The following EPSTI1 variants were observed in gnomAD, a reference collection of about 807,000 sequenced individuals.
The protein encoded by EPSTI1 is epithelial stromal interaction 1, also known as epithelial-stromal interaction protein 1.
Under a neutral mutation model 49.9 loss-of-function variants are expected in EPSTI1, and 66 were observed. The ratio of observed to expected loss-of-function variants is 1.32; its 90% confidence interval spans 1.08 to 1.62. The LOEUF (loss-of-function observed/expected upper bound fraction) is 1.62. EPSTI1 is among the 40% of genes most tolerant of loss of function. The pLI, the probability that EPSTI1 is intolerant of heterozygous loss-of-function variation, is 0.00. For synonymous variants in EPSTI1, 137 were observed against 130.7 expected (o/e 1.05, Z -0.33); for missense variants, 394 against 365.5 (o/e 1.08, Z -0.64).
In EPSTI1 at chr13:42,983,023, A is replaced by G. The variant is rs139313693; in HGVS notation, c.188+8955T>C. On this transcript the variant is annotated intron_variant, in intron 1 of 10. Coordinates refer to ENST00000313624, the MANE Select transcript of EPSTI1 (RefSeq NM_033255.5). ...CTTCATCAAACCTAAGCATAAAAAGACACAGTTTTCCCTGGTTCTTTGAAT... is the reference window on the plus strand; with the variant it reads ...CTTCATCAAACCTAAGCATAAAAAGGCACAGTTTTCCCTGGTTCTTTGAAT... Among the ~76,000 whole-genome samples, 5 of 152,310 alleles carry G rather than the reference A, an allele frequency of 3.3e-5. No individual in the cohort carries two copies. The East Asian group carries it at 7.7e-4, about 23-fold the overall frequency.
intron 6 of EPSTI1, among the ~76,000 whole-genome samples, chr13:42,946,241 A>C (rs1555264805): frequency 6.6e-6 from 1 of 152,208 alleles, no homozygotes; most frequent in Non-Finnish European, 1.5e-5. Flanking sequence ...TATTATTCAA[A>C]TGCAAGTAAA....
chr13:42,909,136 G>A (rs1005226281), intron 8 of EPSTI1, among the ~76,000 whole-genome samples: 1 of 152,002 alleles, frequency 6.6e-6, no homozygotes, highest in Non-Finnish European at 1.5e-5. Context: ...GGCCTGTGTA[G>A]CTATTTCTTG....
intron 8 of EPSTI1, among the ~76,000 whole-genome samples, chr13:42,905,334 AG>A (rs2037469697): frequency 6.6e-6 from 1 of 152,202 alleles, no homozygotes; most frequent in Non-Finnish European, 1.5e-5. Context: ...CGCTGCACTC[AG>A]GATTATTATC....
chr13:42,974,143 C>A (rs1223974662), intron 1 of EPSTI1, among the ~76,000 whole-genome samples: 1 of 150,498 alleles, frequency 6.6e-6, no homozygotes, highest in African/African-American at 2.4e-5. Context: ...CAAGACCAGC[C>A]TGGCCAACAT....
intron 9 of EPSTI1, among the ~76,000 whole-genome samples, chr13:42,896,458 C>A (rs1177651377): frequency 6.6e-6 from 1 of 152,124 alleles, no homozygotes; most frequent in African/African-American, 2.4e-5. Flanking sequence ...TTGTCATTAA[C>A]AAAGATGGGC....
rs2039507320 is a variant in EPSTI1, at chr13:42,963,162, G to T, written c.489+93C>A. The T allele has an allele frequency of 6.0e-6, 6 of 1,001,638 alleles. No homozygotes were observed. In the Admixed American group the frequency reaches 8.6e-5, roughly 14 times the overall value. The allele number at this position is 1,001,638 out of a possible 1,614,324, so 62.0% of individuals were successfully genotyped here. A position where few individuals can be genotyped will look rare whatever the true frequency, so the allele number is the denominator to read the frequency against. On this transcript the variant is annotated intron_variant, in intron 5 of 10. Transcript: ENST00000313624. ...TAGAAAGAGAGAGAGAGAGAAAGATGGATAAATTTTTAAAGTTACTATAAT... is the reference window on the plus strand; with the variant it reads ...TAGAAAGAGAGAGAGAGAGAAAGATTGATAAATTTTTAAAGTTACTATAAT...
At position 42,895,054 on chromosome 13, in the gene EPSTI1, G is replaced by A. The variant is rs774966421; in HGVS notation, c.870C>T (p.Leu290=). ...RLQGKSQPGG[L]EQSGGCWNMN... ...TATTCCAACAGCCTCCAGATTGCTC[G>A]AGGCCACCTGGTTGACTTTTGCCTT... The change falls in exon 10 of 11, where the codon CTC becomes CTT. Residue 290 remains leucine (L), a synonymous_variant. Transcript: ENST00000313624. 29 of 1,613,528 alleles carry A rather than the reference G, an allele frequency of 1.8e-5. No individual in the cohort carries two copies. The highest frequency in any genetic ancestry group is 2.3e-5 in the Non-Finnish European group (27 of 1,179,704).
At chr13:42,901,374 A>G (rs1826617109) in intron 8 of EPSTI1, among the ~76,000 whole-genome samples, 1 of 152,180 alleles carries the variant, frequency 6.6e-6, no homozygotes, top group South Asian at 2.1e-4. Flanking sequence ...CCCCAAAATA[A>G]AAAGACTTAT....
intron 1 of EPSTI1, among the ~76,000 whole-genome samples, chr13:42,981,668 G>A (rs1028128892): frequency 6.6e-6 from 1 of 152,078 alleles, no homozygotes; most frequent in Non-Finnish European, 1.5e-5. Context: ...AAACCAAAAT[G>A]TTTTTTTCTT....
rs992826244 is a variant in EPSTI1 at position 42,922,175 on chromosome 13, A to G, written c.657+4161T>C. On this transcript the variant is annotated intron_variant, in intron 7 of 10. Transcript: ENST00000313624. This position sits in a 1 kb window ranked among gnomAD's most constrained non-coding sequence, Gnocchi z 4.8. ...TAAGGTCTAAAATTGATTAGTCAAG[A>G]GATACCAACACATATTAACAGATAT... Among the ~76,000 whole-genome samples, 5 of 152,372 alleles carry G rather than the reference A, an allele frequency of 3.3e-5. No homozygotes were observed. Among genetic ancestry groups the G allele is most frequent in the African/African-American group, 1.2e-4 (5 of 41,590 alleles).
intron 6 of EPSTI1, among the ~76,000 whole-genome samples, chr13:42,951,987 C>A (rs548881929): frequency 6.6e-6 from 1 of 152,140 alleles, no homozygotes; most frequent in African/African-American, 2.4e-5. Context: ...GATTGTAAAA[C>A]GCACCAATCA....
At chr13:42,989,962 T>G (rs2040165430) in intron 1 of EPSTI1, among the ~76,000 whole-genome samples, 1 of 152,084 alleles carries the variant, frequency 6.6e-6, no homozygotes, top group South Asian at 2.1e-4. Context: ...TTCTTTATTT[T>G]GGGGCAGCGG....
chr13:42,970,413 T>C, intron 2 of EPSTI1, 199 bp downstream of exon 2: 1 of 465,150 alleles, frequency 2.1e-6, no homozygotes, highest in South Asian at 3.7e-5. Context: ...TGAGTTCTGT[T>C]ACTAACGTAG....
In EPSTI1 at chr13:42,984,007, G is replaced by A. The variant is rs2040035385; in HGVS notation, c.188+7971C>T. ...CATTTCAAAAATAAGTCAAATAGTA[G>A]TAGTATTAGTATCTGATAATCATTG... is the stretch of plus-strand genomic sequence containing the variant. On this transcript the variant is annotated intron_variant, in intron 1 of 10. Transcript: ENST00000313624. 2.0e-5 allele frequency among the ~76,000 whole-genome samples: 3 copies of A among 152,156 alleles called. No individual in the cohort carries two copies. In the South Asian group the frequency reaches 6.2e-4, roughly 31 times the overall value.
intron 5 of EPSTI1, among the ~76,000 whole-genome samples, chr13:42,961,246 G>A (rs2039440144): frequency 6.6e-6 from 1 of 152,152 alleles, no homozygotes; most frequent in Non-Finnish European, 1.5e-5. Context: ...CTAGCAGGTA[G>A]GAGCAGGAGG....
intron 7 of EPSTI1, among the ~76,000 whole-genome samples, chr13:42,919,681 CA>C (rs1470748928): frequency 6.6e-6 from 1 of 151,962 alleles, no homozygotes. Flanking sequence ...TAGAGGAAGC[CA>C]AAAAGAAGGA....
At chr13:42,977,287 T>G (rs1336484511) in intron 1 of EPSTI1, among the ~76,000 whole-genome samples, 1 of 152,252 alleles carries the variant, frequency 6.6e-6, no homozygotes, top group Non-Finnish European at 1.5e-5. Flanking sequence ...CCAAAAGAGA[T>G]GTAGGCCCTA....
chr13:42,989,558 CTCT>C (rs1169828759), intron 1 of EPSTI1, among the ~76,000 whole-genome samples: 1 of 60,858 alleles, frequency 1.6e-5, no homozygotes, highest in Non-Finnish European at 4.2e-5. Flanking sequence ...GCACTTTATC[CTCT>C]TTTTTCTTTT....
intron 10 of EPSTI1, among the ~76,000 whole-genome samples, chr13:42,890,613 T>A (rs1362456895): frequency 6.6e-6 from 1 of 152,170 alleles, no homozygotes; most frequent in South Asian, 2.1e-4. Flanking sequence ...TAGAATTTTT[T>A]AAAAAGGGTC....
Sources: allele counts gnomAD v4.1 joint callset (sites outside exome capture counted in the v4.1 genomes callset), GRCh38; gene constraint gnomAD v4.1.1; non-coding constraint Gnocchi (gnomAD v3.1); transcripts MANE v1.5; gene names NCBI Gene and HGNC (gene_info 2026-07-23, HGNC 2026-07-21).